Variants in NRXN3 observed in about 807,000 individuals in gnomAD.
NRXN3 encodes neurexin III.
NRXN3 carries 32 observed loss-of-function variants against 137.6 expected under a neutral mutation model. The observed-to-expected ratio is 0.23, with a 90% CI of 0.18 to 0.31. The LOEUF is 0.31. NRXN3 is among the 10% of genes least tolerant of loss of function. NRXN3 has a pLI of 1.00. For synonymous variants in NRXN3, 798 were observed against 784.5 expected (o/e 1.02, Z -0.29); for missense variants, 1,574 against 2,062.5 (o/e 0.76, Z 4.59).
chr14:78,276,133 T>C (rs915521120), intron 2 of NRXN3, among the ~76,000 whole-genome samples: 2 of 152,236 alleles, frequency 1.3e-5, no homozygotes, highest in African/African-American at 4.8e-5. Context: ...TTCATTTGTT[T>C]GTTTTTGGTG....
At chr14:79,193,355 T>C (rs1370157760) in intron 15 of NRXN3, among the ~76,000 whole-genome samples, 5 of 152,210 alleles carry the variant, frequency 3.3e-5, no homozygotes, top group Admixed American at 3.3e-4. Context: ...CAACCTTTAG[T>C]AGTGTATTAG....
intron 10 of NRXN3, among the ~76,000 whole-genome samples, chr14:78,826,262 A>G (rs2152377715): frequency 6.6e-6 from 1 of 152,236 alleles, no homozygotes; most frequent in Middle Eastern, 3.4e-3. Context: ...AAACATAGGG[A>G]TACTCAGGGA....
intron 16 of NRXN3, among the ~76,000 whole-genome samples, chr14:79,642,876 G>A (rs567293720): frequency 7.3e-6 from 1 of 136,380 alleles, no homozygotes; most frequent in East Asian, 2.0e-4. Context: ...AAAACCCAGA[G>A]GTCCCAAAGT....
At chr14:78,404,519 G>T (rs1468967446) in intron 4 of NRXN3, among the ~76,000 whole-genome samples, 9 of 152,060 alleles carry the variant, frequency 5.9e-5, no homozygotes, top group Admixed American at 5.9e-4. Context: ...TCCAAGGAAA[G>T]GTCAGGAATG....
intron 16 of NRXN3, among the ~76,000 whole-genome samples, chr14:79,511,688 A>G (rs770661448): frequency 6.6e-6 from 1 of 152,156 alleles, no homozygotes; most frequent in Admixed American, 6.5e-5. Flanking sequence ...CATCAACCCA[A>G]TAATGAATCA....
At chr14:79,772,782 C>A (rs2099083152) in intron 19 of NRXN3, among the ~76,000 whole-genome samples, 1 of 152,018 alleles carries the variant, frequency 6.6e-6, no homozygotes, top group Non-Finnish European at 1.5e-5. Flanking sequence ...CAAATGGGAT[C>A]TAATTAAACT....
intron 15 of NRXN3, among the ~76,000 whole-genome samples, chr14:79,164,638 T>C (rs1329246317): frequency 6.6e-6 from 1 of 152,002 alleles, no homozygotes; most frequent in Admixed American, 6.6e-5. Flanking sequence ...GGGAAATTAT[T>C]TCTATTCTTT....
At chr14:79,787,793 A>T (rs897520584) in intron 19 of NRXN3, among the ~76,000 whole-genome samples, 4 of 152,188 alleles carry the variant, frequency 2.6e-5, no homozygotes, top group Admixed American at 1.3e-4. Flanking sequence ...CATTTAAAAA[A>T]TTTTATTCAT....
chr14:78,182,425 C>T (rs948663151), intron 1 of NRXN3, among the ~76,000 whole-genome samples: 29 of 152,002 alleles, frequency 1.9e-4, no homozygotes, highest in African/African-American at 6.5e-4. Flanking sequence ...ATCCTGGCCA[C>T]GTGTGGAGCT....
chr14:78,897,317 T>G (rs1370921011), intron 10 of NRXN3, among the ~76,000 whole-genome samples: 1 of 151,934 alleles, frequency 6.6e-6, no homozygotes, highest in Non-Finnish European at 1.5e-5. Flanking sequence ...ATATTTCTGT[T>G]AAGACATCAC....
chr14:78,304,139 A>G (rs2077134430), intron 4 of NRXN3, among the ~76,000 whole-genome samples: 1 of 152,308 alleles, frequency 6.6e-6, no homozygotes, highest in African/African-American at 2.4e-5. Flanking sequence ...ATCACTGAGC[A>G]AAGGAGTCCC....
chr14:79,042,734 G>A (rs929491852), intron 15 of NRXN3, among the ~76,000 whole-genome samples: 17 of 152,168 alleles, frequency 1.1e-4, no homozygotes, highest in Admixed American at 5.9e-4. Context: ...TATGGCAAGT[G>A]TGTATTTGTG....
chr14:78,964,750 T>G (rs1267138277), intron 11 of NRXN3, among the ~76,000 whole-genome samples: 1 of 152,176 alleles, frequency 6.6e-6, no homozygotes, highest in African/African-American at 2.4e-5. Context: ...ATTAATGATG[T>G]TTTTCTTTAT....
chr14:79,090,025 T>C (rs566500168), intron 15 of NRXN3, among the ~76,000 whole-genome samples: 2 of 152,314 alleles, frequency 1.3e-5, no homozygotes, highest in South Asian at 4.1e-4. Flanking sequence ...TAACACATTT[T>C]GGATTGCTAT....
At chr14:79,517,098 C>CCT (rs72522762) in intron 16 of NRXN3, among the ~76,000 whole-genome samples, 30,001 of 148,890 alleles carry the variant, frequency 0.2, 3,828 homozygotes, top group African/African-American at 0.33. Flanking sequence ...TACAGCCCCC[C>CCT]CCCCCTCAAC....
chr14:79,542,044 C>T (rs1387432724), intron 16 of NRXN3, among the ~76,000 whole-genome samples: 1 of 152,172 alleles, frequency 6.6e-6, no homozygotes, highest in East Asian at 1.9e-4. Flanking sequence ...GTAGCAATCA[C>T]TAGCCAAGAG....
chr14:79,455,870 T>C (rs974032283), intron 15 of NRXN3, among the ~76,000 whole-genome samples: 2 of 151,964 alleles, frequency 1.3e-5, no homozygotes, highest in Admixed American at 1.3e-4. Context: ...TCAGCTTTTA[T>C]TTTTAATCAT....
intron 15 of NRXN3, among the ~76,000 whole-genome samples, chr14:79,092,814 A>G (rs1426645529): frequency 6.6e-6 from 1 of 152,020 alleles, no homozygotes; most frequent in Non-Finnish European, 1.5e-5. Context: ...ATGGTGAGAG[A>G]CCCTTGGGTC....
chr14:78,190,983 C>T (rs578135569), intron 1 of NRXN3, among the ~76,000 whole-genome samples: 1 of 152,240 alleles, frequency 6.6e-6, no homozygotes, highest in African/African-American at 2.4e-5. Flanking sequence ...CAGTGACTCT[C>T]TTTTATATAT....
Sources: gnomAD v4.1 joint callset for allele counts (sites outside exome capture counted in the v4.1 genomes callset) on GRCh38, gnomAD v4.1.1 for gene constraint, MANE v1.5 for transcripts, NCBI Gene and HGNC (gene_info 2026-07-23, HGNC 2026-07-21) for gene names.